The following OAS2 variants were observed in gnomAD, a reference collection of about 807,000 sequenced individuals.
OAS2 encodes 2'-5'-oligoadenylate synthase 2.
Under a neutral mutation model 71.3 loss-of-function variants are expected in OAS2, and 67 were observed. The ratio of observed to expected loss-of-function variants is 0.94; its 90% CI spans 0.77 to 1.15. OAS2 has a LOEUF of 1.15. Ranked by LOEUF, OAS2 falls within the 50% of genes most tolerant of loss-of-function variation. OAS2 has a pLI of 0.00. For synonymous variants in OAS2, 327 were observed against 321.8 expected (o/e 1.02, Z -0.17); for missense variants, 789 against 822.5 (o/e 0.96, Z 0.50).
chr12:112,992,070 T>A (rs1341214832), intron 2 of OAS2, among the ~76,000 whole-genome samples: 1 of 150,958 alleles, frequency 6.6e-6, no homozygotes, highest in Non-Finnish European at 1.5e-5. Flanking sequence ...GCACAAAGTC[T>A]CAAGTACAGG....
chr12:113,000,720 T>G (rs1379276811), intron 5 of OAS2, among the ~76,000 whole-genome samples: 1 of 148,714 alleles, frequency 6.7e-6, no homozygotes, highest in Non-Finnish European at 1.5e-5. Flanking sequence ...TGCACACACA[T>G]GCACTCACAC....
In OAS2 at chr12:113,007,736, T is replaced by G. The variant is rs544021922; in HGVS notation, c.1688T>G (p.Leu563Trp). 9 of 1,614,114 alleles carry G rather than the reference T, an allele frequency of 5.6e-6. No homozygotes were observed. The African/African-American group carries it at 1.2e-4, about 22-fold the overall frequency. ...AGGAAACTGAAGCCAAAGGGGTCTT[T>G]GCCCCCAAAGTATGCCTTGGAGCTG... The part of the protein sequence containing the change: ...CERKLKPKGS[L>W]PPKYALELLT... The change falls in exon 9 of 10, where the codon TTG becomes TGG. Residue 563 changes from leucine (L) to tryptophan (W), a missense_variant. Coordinates refer to ENST00000392583, the MANE Select transcript of OAS2 (RefSeq NM_002535.3).
At position 113,002,969 on chromosome 12, in the gene OAS2, A is replaced by G; in HGVS notation, c.1046A>G (p.Asp349Gly). 2 of 1,614,042 alleles carry G rather than the reference A, an allele frequency of 1.2e-6. No homozygotes were observed. Among genetic ancestry groups the G allele is most frequent in the African/African-American group, 1.3e-5 (1 of 75,008 alleles). The change falls in exon 6 of 10, where the codon GAT becomes GGT. Residue 349 changes from aspartate (D) to glycine (G), a missense_variant. Transcript: ENST00000392583. ...PLFTTPGHLL[D>G]KFIKEFLQPN... ...TTCACGACCCCAGGCCACCTTCTGG[A>G]TAAGTTCATCAAGGAGTTTCTCCAG...
chr12:113,000,603 A>T (rs2044275572), intron 5 of OAS2, among the ~76,000 whole-genome samples: 1 of 151,098 alleles, frequency 6.6e-6, no homozygotes, highest in South Asian at 2.1e-4. Flanking sequence ...GCATACACAC[A>T]TGCATACATG....
At chr12:112,981,847 A>G (rs1272855333) in intron 1 of OAS2, among the ~76,000 whole-genome samples, 2 of 152,176 alleles carry the variant, frequency 1.3e-5, no homozygotes, top group Non-Finnish European at 2.9e-5. Context: ...ATCCATGAGC[A>G]TGGGATGTCT....
At position 113,003,102 on chromosome 12, in the gene OAS2, G is replaced by A. The variant is rs1353200956; in HGVS notation, c.1179G>A (p.Arg393=). The A allele has an allele frequency of 1.2e-6, 2 of 1,614,020 alleles. No individual in the cohort carries two copies. The highest frequency in any genetic ancestry group is 2.2e-5 in the South Asian group (2 of 91,056). Residue 393 remains arginine, a splice_region_variant and synonymous_variant, in exon 6 of 10, where the codon CGG becomes CGA. Coordinates refer to ENST00000392583, the MANE Select transcript of OAS2 (RefSeq NM_002535.3). ...CAACAGCCAAGATCCAGATTGTCCG[G>A]GTGAGCACTGGCCTTTCTCATGTCT... is the stretch of plus-strand genomic sequence containing the variant. ...RQSTAKIQIV[R]GGSTAKGTAL...
chr12:112,985,188 A>G (rs919932051), intron 1 of OAS2, among the ~76,000 whole-genome samples: 21 of 151,862 alleles, frequency 1.4e-4, no homozygotes, highest in African/African-American at 5.1e-4. Context: ...CTGGGTGTCT[A>G]AATCTCTTGT....
In OAS2 at chr12:112,998,429, T is replaced by C. The variant is rs563552910; in HGVS notation, c.1008+19T>C. On this transcript the variant is annotated intron_variant, in intron 5 of 9. Transcript: ENST00000392583. ...TGTTCTGGTAAGAGGGTTTTCCAAA[T>C]ACAGGGTGTTTCATGCTGCAGGAAG... 5.7e-5 allele frequency: 92 copies of C among 1,602,834 alleles called. No homozygotes were observed. The highest frequency in any genetic ancestry group is 7.7e-5 in the Non-Finnish European group (91 of 1,176,688).
At chr12:113,000,650 ACACACATGCACTCACACACATG>A (rs2044277269) in intron 5 of OAS2, among the ~76,000 whole-genome samples, 1 of 151,602 alleles carries the variant, frequency 6.6e-6, no homozygotes, top group South Asian at 2.1e-4. Flanking sequence ...CACACCATGC[ACACACATGCACTCACACACATG>A]CACACATGCA....
intron 2 of OAS2, among the ~76,000 whole-genome samples, chr12:112,991,436 A>G (rs2044191744): frequency 6.6e-6 from 1 of 152,240 alleles, no homozygotes; most frequent in Non-Finnish European, 1.5e-5. Flanking sequence ...CATGTGCCCA[A>G]GGCGCTCAGA....
Position 113,009,981 on chromosome 12 carries a change from T to A in OAS2, c.*726T>A. Reference sequence around the variant, plus strand: ...TTCTCAACTTTGATACTTACTCACATTTGGGGCTAGACAGTTCTTTGTTTG... The same window carrying A: ...TTCTCAACTTTGATACTTACTCACAATTGGGGCTAGACAGTTCTTTGTTTG... On this transcript the variant is annotated 3_prime_UTR_variant, in exon 10 of 10. Transcript: ENST00000392583. 1 of 982,882 alleles carries A rather than the reference T, an allele frequency of 1.0e-6. No individual in the cohort carries two copies. The highest frequency in any genetic ancestry group is 1.7e-5 in the African/African-American group (1 of 57,340). 60.9% of individuals were successfully genotyped at this position (982,882 alleles called of 1,614,324 possible). A position where few individuals can be genotyped will look rare whatever the true frequency, so the allele number is the denominator to read the frequency against.
chr12:112,979,345 G>A (rs1224701577), intron 1 of OAS2, among the ~76,000 whole-genome samples: 10 of 152,144 alleles, frequency 6.6e-5, no homozygotes, highest in African/African-American at 1.9e-4. Context: ...AATTGGGGGC[G>A]TGGGGGTCCT....
In OAS2 at chr12:112,978,625, C is replaced by A. The variant is rs777191278; in HGVS notation, c.17C>A (p.Ser6Tyr). 4 of 1,614,056 alleles carry A rather than the reference C, an allele frequency of 2.5e-6. No individual in the cohort carries two copies. The South Asian group carries it at 4.4e-5, about 18-fold the overall frequency. The change falls in exon 1 of 10, where the codon TCC becomes TAC. Residue 6 changes from serine to tyrosine, a missense_variant. Coordinates refer to ENST00000392583, the MANE Select transcript of OAS2 (RefSeq NM_002535.3). This position sits in a 1 kb window ranked among gnomAD's most constrained non-coding sequence, Gnocchi z 4.2. ...CTGAGAGCAATGGGAAATGGGGAGTCCCAGCTGTCCTCGGTGCCTGCTCAG... is the reference window on the plus strand; with the variant it reads ...CTGAGAGCAATGGGAAATGGGGAGTACCAGCTGTCCTCGGTGCCTGCTCAG... The part of the protein sequence containing the change: MGNGE[S>Y]QLSSVPAQKL...
intron 3 of OAS2, among the ~76,000 whole-genome samples, chr12:112,997,209 G>A (rs1464610551): frequency 2.0e-5 from 3 of 151,330 alleles, no homozygotes; most frequent in South Asian, 2.1e-4. Context: ...TTTGCTTATC[G>A]AGTTGCTCAT....
Position 112,987,160 on chromosome 12 carries a change from A to G in OAS2, c.300A>G (p.Lys100=), listed in dbSNP as rs754271581. The part of the protein sequence containing the change: ...QKRSQRDILD[K]TGDKLKFCLF... ...GAAGCCAACGTGACATCCTCGATAA[A>G]ACTGGGGATAAGCTGAAGTTCTGTC... The change falls in exon 2 of 10, where the codon AAA becomes AAG. Residue 100 remains lysine, a synonymous_variant. Transcript: ENST00000392583. The G allele has an allele frequency of 6.2e-7, 1 of 1,614,158 alleles. No homozygotes were observed. Among genetic ancestry groups the G allele is most frequent in the Admixed American group, 1.7e-5 (1 of 60,020 alleles).
At chr12:113,008,834 C>G (rs905744641) in intron 9 of OAS2, among the ~76,000 whole-genome samples, 4 of 152,068 alleles carry the variant, frequency 2.6e-5, no homozygotes, top group Admixed American at 6.6e-5. Context: ...TGCATGTTGG[C>G]CAGGATGTTC....
chr12:112,999,104 G>T (rs903573076), intron 5 of OAS2, among the ~76,000 whole-genome samples: 2 of 152,224 alleles, frequency 1.3e-5, no homozygotes, highest in Admixed American at 6.5e-5. Flanking sequence ...TCAGAGAAGG[G>T]GGTGGCAGTC....
intron 1 of OAS2, among the ~76,000 whole-genome samples, chr12:112,985,792 T>C (rs779782526): frequency 2.0e-5 from 3 of 152,230 alleles, no homozygotes; most frequent in Non-Finnish European, 4.4e-5. Context: ...TCCAATTTTA[T>C]TTATTGACTT....
chr12:112,986,679 C>T (rs12298139), intron 1 of OAS2, among the ~76,000 whole-genome samples: 5,365 of 152,048 alleles, frequency 0.035, 311 homozygotes, highest in African/African-American at 0.12. Context: ...AGGTGCTGGC[C>T]GCAGGTGGGA....
Sources: allele counts gnomAD v4.1 joint callset (sites outside exome capture counted in the v4.1 genomes callset), GRCh38; gene constraint gnomAD v4.1.1; non-coding constraint Gnocchi (gnomAD v3.1); transcripts MANE v1.5; gene names NCBI Gene and HGNC (gene_info 2026-07-23, HGNC 2026-07-21).